Variants in FSTL4 observed in about 807,000 individuals in gnomAD.
FSTL4 encodes the protein follistatin-related protein 4.
Under a neutral mutation model 78.2 loss-of-function variants are expected in FSTL4, and 28 were observed. The observed-to-expected ratio is 0.36, with a 90% confidence interval of 0.27 to 0.49. FSTL4 has a LOEUF of 0.49. Among genes scored for constraint, FSTL4 ranks in the 20% least tolerant of loss-of-function variants. The pLI, the probability that FSTL4 is intolerant of heterozygous loss-of-function variation, is 0.98. For missense variants in FSTL4, 922 were observed against 1,084.9 expected (o/e 0.85, Z 2.11); for synonymous variants, 422 against 440.5 (o/e 0.96, Z 0.53).
At chr5:133,452,952 G>C (rs1289236110) in intron 3 of FSTL4, among the ~76,000 whole-genome samples, 1 of 152,234 alleles carries the variant, frequency 6.6e-6, no homozygotes, top group Non-Finnish European at 1.5e-5. Context: ...AGCAACTGAG[G>C]CACAGCAGTG....
the FSTL4 span, among the ~76,000 whole-genome samples, chr5:133,759,075 G>C: frequency 6.6e-6 from 1 of 152,142 alleles, no homozygotes; most frequent in East Asian, 1.9e-4. Flanking sequence ...CAACGGGATG[G>C]GAATAAGGGT....
chr5:133,201,248 G>A (rs1445936792), intron 15 of FSTL4, among the ~76,000 whole-genome samples: 6 of 152,202 alleles, frequency 3.9e-5, no homozygotes, highest in Admixed American at 6.5e-5. Context: ...AGAAGATATT[G>A]GGGGCTCTCT....
chr5:133,630,830 T>C, the FSTL4 span, among the ~76,000 whole-genome samples: 2 of 152,112 alleles, frequency 1.3e-5, no homozygotes, highest in African/African-American at 4.8e-5. Context: ...TTGGAAATAA[T>C]GCCACATATC....
intron 3 of FSTL4, among the ~76,000 whole-genome samples, chr5:133,481,780 T>C (rs945744437): frequency 5.3e-5 from 8 of 152,156 alleles, no homozygotes; most frequent in Non-Finnish European, 1.0e-4. Flanking sequence ...CAACCCGGAA[T>C]TGACCAATTG....
chr5:133,233,110 G>T (rs752281544), intron 8 of FSTL4, among the ~76,000 whole-genome samples: 1 of 152,248 alleles, frequency 6.6e-6, no homozygotes, highest in East Asian at 1.9e-4. Context: ...TGTTGCCTAA[G>T]GGGCATGCTC....
chr5:133,196,492 G>T lies in FSTL4; in HGVS notation c.*2603C>A, dbSNP rs1160013597. ...TAATTTTATTTCAAAATGACTGAGG[G>T]GGTTTATATAAATAGCTTTCTTGAT... On this transcript the variant is annotated 3_prime_UTR_variant, in exon 16 of 16. Transcript: ENST00000265342. 1 of 152,114 alleles carries T rather than the reference G, an allele frequency of 6.6e-6. No homozygotes were observed. The highest frequency in any genetic ancestry group is 6.5e-5 in the Admixed American group (1 of 15,276). 9.4% of individuals were successfully genotyped at this position (152,114 alleles called of 1,614,324 possible). A position where few individuals can be genotyped will look rare whatever the true frequency, so the allele number is the denominator to read the frequency against.
chr5:133,255,840 G>A lies in FSTL4; in HGVS notation c.728-6264C>T, dbSNP rs567276753. On this transcript the variant is annotated intron_variant, in intron 6 of 15. Transcript: ENST00000265342. ...AACATTTCAGTTGTTGGAGAACTGG[G>A]TTTTAGTTCCTATTACAGGTTTCCC... 7.2e-5 allele frequency among the ~76,000 whole-genome samples: 11 copies of A among 152,282 alleles called. No individual in the cohort carries two copies. The South Asian group carries it at 1.0e-3, about 14-fold the overall frequency.
the FSTL4 span, among the ~76,000 whole-genome samples, chr5:133,725,846 G>A: frequency 1.3e-5 from 2 of 152,204 alleles, no homozygotes; most frequent in Non-Finnish European, 2.9e-5. Flanking sequence ...GTTTCCACTT[G>A]TTGAAACTAG....
the FSTL4 span, among the ~76,000 whole-genome samples, chr5:133,818,931 C>CTATCTATATATATATATA: frequency 1.6e-5 from 1 of 61,756 alleles, no homozygotes; most frequent in Non-Finnish European, 2.9e-5. Flanking sequence ...TTAGAAGATA[C>CTATCTATATATATATATA]TATATATATA....
the FSTL4 span, among the ~76,000 whole-genome samples, chr5:133,722,199 T>A: frequency 6.6e-6 from 1 of 152,064 alleles, no homozygotes; most frequent in Non-Finnish European, 1.5e-5. Context: ...AGCAGGGACA[T>A]TAGATTCTCA....
At chr5:133,793,940 C>T in the FSTL4 span, among the ~76,000 whole-genome samples, 19 of 152,346 alleles carry the variant, frequency 1.2e-4, 1 homozygote, top group Admixed American at 4.6e-4. Flanking sequence ...GATTTGTAGA[C>T]GCCCAGTTTC....
At chr5:133,365,731 T>C (rs1366332153) in intron 4 of FSTL4, among the ~76,000 whole-genome samples, 1 of 152,254 alleles carries the variant, frequency 6.6e-6, no homozygotes, top group African/African-American at 2.4e-5. Context: ...AATATTCTGT[T>C]ATTAGATGGG....
intron 2 of FSTL4, among the ~76,000 whole-genome samples, chr5:133,593,663 C>A (rs759479549): frequency 1.2e-4 from 19 of 152,250 alleles, no homozygotes; most frequent in African/African-American, 4.6e-4. Flanking sequence ...TGGGACCAGG[C>A]GTGGGGAATC....
intron 3 of FSTL4, among the ~76,000 whole-genome samples, chr5:133,421,839 G>A (rs1756703450): frequency 1.3e-5 from 2 of 152,228 alleles, no homozygotes; most frequent in Non-Finnish European, 2.9e-5. Context: ...TAGAGATATA[G>A]CAGTGAACAA....
chr5:133,678,437 GAGTATAATAAA>G, the FSTL4 span, among the ~76,000 whole-genome samples: 1 of 152,160 alleles, frequency 6.6e-6, no homozygotes, highest in East Asian at 1.9e-4. Flanking sequence ...CTTGGAGGTG[GAGTATAATAAA>G]AGCAAGCCAA....
At chr5:133,516,607 A>T (rs1333484374) in intron 3 of FSTL4, among the ~76,000 whole-genome samples, 1 of 152,226 alleles carries the variant, frequency 6.6e-6, no homozygotes, top group Non-Finnish European at 1.5e-5. Flanking sequence ...AATTCCAATA[A>T]ATTGTGAATG....
the FSTL4 span, among the ~76,000 whole-genome samples, chr5:133,719,070 T>A: frequency 6.6e-6 from 1 of 152,342 alleles, no homozygotes; most frequent in Middle Eastern, 3.4e-3. Flanking sequence ...TTTATACATA[T>A]AGTGAAAGTA....
chr5:133,254,691 C>A (rs766687965), intron 6 of FSTL4, among the ~76,000 whole-genome samples: 1 of 152,186 alleles, frequency 6.6e-6, no homozygotes, highest in Non-Finnish European at 1.5e-5. Context: ...AGAACTGAAA[C>A]CTGATTTAGG....
At chr5:133,457,049 C>T (rs1347145708) in intron 3 of FSTL4, among the ~76,000 whole-genome samples, 1 of 151,218 alleles carries the variant, frequency 6.6e-6, no homozygotes, top group Non-Finnish European at 1.5e-5. Flanking sequence ...GAGCTAAATG[C>T]ACTGGGTGGA....
Sources: allele counts gnomAD v4.1 joint callset (sites outside exome capture counted in the v4.1 genomes callset), GRCh38; gene constraint gnomAD v4.1.1; transcripts MANE v1.5; gene names NCBI Gene and HGNC (gene_info 2026-07-23, HGNC 2026-07-21).